The following PHACTR4 variants were observed in gnomAD, a reference collection of about 807,000 sequenced individuals.
PHACTR4 encodes the protein protein phosphatase 1, regulatory subunit 124.
A neutral mutation model predicts 72.7 loss-of-function variants in PHACTR4; 51 were observed. That is an observed-to-expected ratio of 0.70 (90% CI 0.56 to 0.89). The LOEUF (loss-of-function observed/expected upper bound fraction) is 0.89, where lower values mean the gene tolerates loss of function less well. PHACTR4 is among the 40% of genes least tolerant of loss of function. The probability of loss-of-function intolerance (pLI) is 0.00; values close to 1 mark genes in which losing one functional copy is unlikely to be tolerated. For missense variants in PHACTR4, 731 were observed against 861.8 expected, an observed-to-expected ratio of 0.85 and a Z score of 1.90; for synonymous variants, 255 against 302.5, an observed-to-expected ratio of 0.84 and a Z score of 1.63.
intron 1 of PHACTR4, among the ~76,000 whole-genome samples, chr1:28,393,724 G>T (rs770974363): frequency 2.6e-5 from 4 of 151,310 alleles, no homozygotes; most frequent in Non-Finnish European, 5.9e-5. Flanking sequence ...TTTTATTTTT[G>T]AGATGGGGTC....
At chr1:28,464,212 C>T (rs1036151953) in intron 4 of PHACTR4, among the ~76,000 whole-genome samples, 1 of 152,088 alleles carries the variant, frequency 6.6e-6, no homozygotes, top group African/African-American at 2.4e-5. Context: ...ATGATCCACC[C>T]GCCTCGGCCT....
intron 1 of PHACTR4, among the ~76,000 whole-genome samples, chr1:28,394,913 C>CT (rs1052095461): frequency 2.7e-3 from 339 of 127,010 alleles, no homozygotes; most frequent in Non-Finnish European, 3.0e-3. Context: ...TCCTTTTTTT[C>CT]TTTTTTTTTT....
chr1:28,489,315 A>G, intron 10 of PHACTR4, 90 bp downstream of exon 10: 2 of 1,108,366 alleles, frequency 1.8e-6, no homozygotes, highest in Non-Finnish European at 2.6e-6. Flanking sequence ...AGCGTTTGCT[A>G]CAAGGGCTAA....
At chr1:28,422,827 G>A (rs996738559) in intron 2 of PHACTR4, among the ~76,000 whole-genome samples, 56 of 152,172 alleles carry the variant, frequency 3.7e-4, no homozygotes, top group African/African-American at 1.2e-3. Context: ...TCACTCTGTC[G>A]CCAGGCTGGA....
At chr1:28,385,995 C>A (rs1425986285) in intron 1 of PHACTR4, among the ~76,000 whole-genome samples, 1 of 152,138 alleles carries the variant, frequency 6.6e-6, no homozygotes, top group Non-Finnish European at 1.5e-5. Context: ...GATTTCAGTT[C>A]TTTTGCATTT....
intron 2 of PHACTR4, among the ~76,000 whole-genome samples, chr1:28,421,896 G>T (rs1010237712): frequency 6.6e-6 from 1 of 152,180 alleles, no homozygotes; most frequent in Non-Finnish European, 1.5e-5. Flanking sequence ...GTTGGTTTCA[G>T]TGAAGGCCAG....
chr1:28,442,613 T>TC (rs1314294469), intron 2 of PHACTR4, among the ~76,000 whole-genome samples: 2 of 152,002 alleles, frequency 1.3e-5, no homozygotes, highest in Non-Finnish European at 2.9e-5. Context: ...TTCAAGTGAT[T>TC]CTCCTGTCTC....
At chr1:28,392,238 C>T (rs1013276218) in intron 1 of PHACTR4, among the ~76,000 whole-genome samples, 1 of 152,038 alleles carries the variant, frequency 6.6e-6, no homozygotes, top group African/African-American at 2.4e-5. Flanking sequence ...CTCGGTGTCT[C>T]CACACTGAGT....
intron 6 of PHACTR4, among the ~76,000 whole-genome samples, chr1:28,471,541 T>G (rs1659562737): frequency 6.6e-6 from 1 of 151,020 alleles, no homozygotes. Context: ...TTTTTTCCTG[T>G]CAGCAGGGAA....
At chr1:28,471,983 G>A (rs1338373231) in intron 6 of PHACTR4, among the ~76,000 whole-genome samples, 2 of 151,934 alleles carry the variant, frequency 1.3e-5, no homozygotes, top group African/African-American at 4.8e-5. Flanking sequence ...AGGCCGAGGC[G>A]GGCGGATCAC....
At chr1:28,385,857 C>G in intron 1 of PHACTR4, among the ~76,000 whole-genome samples, 1 of 151,462 alleles carries the variant, frequency 6.6e-6, no homozygotes, top group Non-Finnish European at 1.5e-5. Context: ...TCAGGTGATC[C>G]GCCCTCCTTG....
chr1:28,453,176 T>G (rs1203282025), intron 2 of PHACTR4, among the ~76,000 whole-genome samples: 2 of 152,164 alleles, frequency 1.3e-5, no homozygotes, highest in Admixed American at 1.3e-4. Context: ...TATACTGTAC[T>G]GCTGTAATTT....
In PHACTR4 at chr1:28,444,603, T is replaced by C. The variant is rs1657301400; in HGVS notation, c.17-14482T>C. Among the ~76,000 whole-genome samples, 3 of 150,662 alleles carry C rather than the reference T, an allele frequency of 2.0e-5. No homozygotes were observed. In the South Asian group the frequency reaches 6.2e-4, roughly 31 times the overall value. On this transcript the variant is annotated intron_variant, in intron 2 of 13. Coordinates refer to ENST00000373839, the MANE Select transcript of PHACTR4 (RefSeq NM_001048183.3). ...TGGTCTTTCCCATTTTTATATTATT[T>C]ATTTTTTTATTTTTATTATTATTAT...
At chr1:28,443,722 T>C (rs1304651654) in intron 2 of PHACTR4, among the ~76,000 whole-genome samples, 2 of 152,206 alleles carry the variant, frequency 1.3e-5, no homozygotes, top group African/African-American at 4.8e-5. Flanking sequence ...TCCAAAGTGC[T>C]GGGATTACAG....
intron 7 of PHACTR4, 33 bp downstream of exon 7, chr1:28,474,184 C>T: frequency 6.4e-7 from 1 of 1,554,296 alleles, no homozygotes; most frequent in Non-Finnish European, 8.7e-7. Context: ...TCTTATTTCT[C>T]CTTTACTCTA....
intron 4 of PHACTR4, among the ~76,000 whole-genome samples, chr1:28,463,310 G>A: frequency 6.8e-6 from 1 of 147,814 alleles, no homozygotes; most frequent in South Asian, 2.1e-4. Flanking sequence ...AACATTCAGT[G>A]ATGTTAAAGC....
intron 1 of PHACTR4, among the ~76,000 whole-genome samples, chr1:28,400,731 C>T (rs745954272): frequency 4.1e-4 from 62 of 152,198 alleles, no homozygotes; most frequent in Middle Eastern, 3.4e-3. Context: ...AGGCGCGCGC[C>T]ACCACGCCCT....
At position 28,398,852 on chromosome 1, in the gene PHACTR4, T is replaced by C. The variant is rs1653732936; in HGVS notation, c.-38-8558T>C. Among the ~76,000 whole-genome samples, 2 of 151,808 alleles carry C rather than the reference T, an allele frequency of 1.3e-5. 1 individual carries two copies. Among genetic ancestry groups the C allele is most frequent in the South Asian group, 4.2e-4 (2 of 4,802 alleles). Reference sequence around the variant, plus strand: ...AAAAAAAATTTAATTAATTAAATACTGATATTCAAAAAGAAGCACTTTTGA... The same window carrying C: ...AAAAAAAATTTAATTAATTAAATACCGATATTCAAAAAGAAGCACTTTTGA... On this transcript the variant is annotated intron_variant, in intron 1 of 13. Coordinates refer to ENST00000373839, the MANE Select transcript of PHACTR4 (RefSeq NM_001048183.3).
intron 4 of PHACTR4, among the ~76,000 whole-genome samples, chr1:28,465,325 G>A (rs541773868): frequency 6.6e-6 from 1 of 152,150 alleles, no homozygotes; most frequent in South Asian, 2.1e-4. Flanking sequence ...AGTCGGGCGT[G>A]GTGGCAGGCG....
Sources: allele counts gnomAD v4.1 joint callset (sites outside exome capture counted in the v4.1 genomes callset), GRCh38; gene constraint gnomAD v4.1.1; transcripts MANE v1.5; gene names NCBI Gene and HGNC (gene_info 2026-07-23, HGNC 2026-07-21).